STK33: variants seen among roughly 807,000 people sequenced by gnomAD.
STK33 encodes the protein serine/threonine-protein kinase 33.
A neutral mutation model predicts 58.0 loss-of-function variants in STK33; 52 were observed. That is an observed-to-expected ratio of 0.90 (90% CI 0.72 to 1.13). The LOEUF (loss-of-function observed/expected upper bound fraction) is 1.13, where lower values mean the gene tolerates loss of function less well. Ranked by LOEUF, STK33 falls within the 50% of genes most tolerant of loss-of-function variation. The pLI, the probability that STK33 is intolerant of heterozygous loss-of-function variation, is 0.00. For missense variants in STK33, 630 were observed against 604.2 expected (o/e 1.04, Z -0.45); for synonymous variants, 215 against 200.1 (o/e 1.07, Z -0.63).
chr11:8,557,935 C>A (rs1243880440), intron 1 of STK33, among the ~76,000 whole-genome samples: 1 of 152,144 alleles, frequency 6.6e-6, no homozygotes. Flanking sequence ...CCTTAAGTCA[C>A]AGAAGTCTAG....
chr11:8,377,302 C>T, the STK33 span, among the ~76,000 whole-genome samples: 4 of 152,208 alleles, frequency 2.6e-5, no homozygotes, highest in Non-Finnish European at 4.4e-5. Context: ...TAAATCCCCC[C>T]TAAAAACTGG....
intron 14 of STK33, among the ~76,000 whole-genome samples, chr11:8,419,042 T>C (rs1174143145): frequency 6.6e-6 from 1 of 152,052 alleles, no homozygotes; most frequent in African/African-American, 2.4e-5. Context: ...CTGTGGGCTG[T>C]TTGTTGATAG....
At chr11:8,523,372 G>A (rs190944475) in intron 1 of STK33, among the ~76,000 whole-genome samples, 6,995 of 144,156 alleles carry the variant, frequency 0.049, 226 homozygotes, top group South Asian at 0.064. Flanking sequence ...GCCGCCCATC[G>A]TCTGGGATGT....
chr11:8,465,028 C>A, intron 6 of STK33: 1 of 348,516 alleles, frequency 2.9e-6, no homozygotes, highest in Non-Finnish European at 5.1e-6. Flanking sequence ...TATTAAGTGT[C>A]CTTTGGAGGA....
At chr11:8,352,652 T>C in the STK33 span, among the ~76,000 whole-genome samples, 1 of 152,254 alleles carries the variant, frequency 6.6e-6, no homozygotes, top group Non-Finnish European at 1.5e-5. Flanking sequence ...CTTTGAAGAC[T>C]GCCTGTAAAA....
intron 7 of STK33, among the ~76,000 whole-genome samples, chr11:8,462,472 C>CACATAT (rs541126483): frequency 1.6e-4 from 22 of 141,866 alleles, no homozygotes; most frequent in African/African-American, 3.7e-4. Context: ...CACACACACA[C>CACATAT]ATATATATAT....
chr11:8,346,368 C>G, the STK33 span, among the ~76,000 whole-genome samples: 1 of 152,188 alleles, frequency 6.6e-6, no homozygotes, highest in Non-Finnish European at 1.5e-5. Flanking sequence ...CTGCGGTCAG[C>G]CTCCCAGGGT....
intron 15 of STK33, among the ~76,000 whole-genome samples, chr11:8,401,235 T>C (rs1475756327): frequency 6.6e-6 from 1 of 152,092 alleles, no homozygotes; most frequent in Non-Finnish European, 1.5e-5. Context: ...AAGGCTACAG[T>C]AACCAAAACA....
downstream of STK33, among the ~76,000 whole-genome samples, chr11:8,388,053 A>G (rs2134825744): frequency 6.6e-6 from 1 of 152,294 alleles, no homozygotes; most frequent in African/African-American, 2.4e-5. Context: ...CTGGACGGAG[A>G]CAGGGTCTGC....
intron 1 of STK33, among the ~76,000 whole-genome samples, chr11:8,570,237 G>A (rs1244108702): frequency 6.6e-6 from 1 of 152,124 alleles, no homozygotes; most frequent in Non-Finnish European, 1.5e-5. Flanking sequence ...CGTCCAGAAA[G>A]ATTAAAGTTT....
chr11:8,392,735 T>C, intron 15 of STK33, 25 bp from the exon 16 acceptor site: 3 of 1,611,780 alleles, frequency 1.9e-6, no homozygotes, highest in Non-Finnish European at 1.7e-6. Context: ...TCTTGATTAA[T>C]TTTCAGACAC....
intron 1 of STK33, among the ~76,000 whole-genome samples, chr11:8,514,599 T>A (rs754115506): frequency 1.7e-4 from 26 of 152,196 alleles, no homozygotes; most frequent in Non-Finnish European, 2.9e-4. Context: ...GAGGTAGAAC[T>A]CTGAAGGACT....
chr11:8,487,931 G>C (rs371048671), intron 1 of STK33, among the ~76,000 whole-genome samples: 4 of 152,282 alleles, frequency 2.6e-5, no homozygotes, highest in South Asian at 2.1e-4. Flanking sequence ...AACAAGCTTC[G>C]TGGCATTTTA....
At chr11:8,357,765 C>G in the STK33 span, among the ~76,000 whole-genome samples, 1 of 152,058 alleles carries the variant, frequency 6.6e-6, no homozygotes, top group African/African-American at 2.4e-5. Context: ...CAGGTGCACC[C>G]TAGGGTCACC....
the STK33 span, among the ~76,000 whole-genome samples, chr11:8,385,279 T>C: frequency 6.6e-6 from 1 of 152,256 alleles, no homozygotes; most frequent in Non-Finnish European, 1.5e-5. Context: ...ACGGATCCTT[T>C]AAACACATAA....
intron 1 of STK33, among the ~76,000 whole-genome samples, chr11:8,524,684 CTT>C (rs1486381486): frequency 6.6e-6 from 1 of 152,074 alleles, no homozygotes; most frequent in Non-Finnish European, 1.5e-5. Flanking sequence ...ATATTTCACT[CTT>C]ATTTAAATCA....
At chr11:8,452,628 A>G (rs1236880368) in intron 11 of STK33, among the ~76,000 whole-genome samples, 194 bp downstream of exon 11, 2 of 152,068 alleles carry the variant, frequency 1.3e-5, no homozygotes, top group African/African-American at 4.8e-5. Context: ...TTAAAAACAA[A>G]AAAAAATTAA....
chr11:8,473,292 A>C lies in STK33; in HGVS notation c.226-16T>G. On this transcript the variant is annotated splice_polypyrimidine_tract_variant and intron_variant, in intron 5 of 15. Transcript: ENST00000687296. ...TTCTTGAGGGCTGGGACCAAAAAAAAAATTAAAAAAAAAAAACTTTAAGAT... is the reference window on the plus strand; with the variant it reads ...TTCTTGAGGGCTGGGACCAAAAAAACAATTAAAAAAAAAAAACTTTAAGAT... 2 of 1,455,574 alleles carry C rather than the reference A, an allele frequency of 1.4e-6. No homozygotes were observed. Among genetic ancestry groups the C allele is most frequent in the Non-Finnish European group, 1.9e-6 (2 of 1,057,492 alleles). 90.2% of individuals were successfully genotyped at this position (1,455,574 alleles called of 1,614,324 possible).
At chr11:8,410,467 T>TTCC (rs1397692202) in intron 15 of STK33, among the ~76,000 whole-genome samples, 1 of 114,910 alleles carries the variant, frequency 8.7e-6, no homozygotes, top group East Asian at 2.7e-4. Context: ...TTTCTTTTCT[T>TTCC]TTCTTTTTTT....
Sources: allele counts gnomAD v4.1 joint callset (sites outside exome capture counted in the v4.1 genomes callset), GRCh38; gene constraint gnomAD v4.1.1; transcripts MANE v1.5; gene names NCBI Gene and HGNC (gene_info 2026-07-23, HGNC 2026-07-21).